The following LDB2 variants were observed in gnomAD, a reference collection of about 807,000 sequenced individuals.
LDB2 encodes LIM domain-binding protein 2.
LDB2 carries 12 observed loss-of-function variants against 44.3 expected under a neutral mutation model. That is an observed-to-expected ratio of 0.27 (90% CI 0.17 to 0.44). The LOEUF is 0.44. Ranked by LOEUF, LDB2 falls within the 20% of genes least tolerant of loss-of-function variation. LDB2 has a pLI of 1.00. For synonymous variants in LDB2, 164 were observed against 174.8 expected (o/e 0.94, Z 0.49); for missense variants, 344 against 473.5 (o/e 0.73, Z 2.54).
At chr4:16,827,518 C>T (rs1488781771) in intron 1 of LDB2, among the ~76,000 whole-genome samples, 1 of 152,080 alleles carries the variant, frequency 6.6e-6, no homozygotes, top group African/African-American at 2.4e-5. Context: ...AGATGCTTGG[C>T]AATAGGCTTT....
At chr4:16,690,531 AG>A (rs1750484107) in intron 2 of LDB2, among the ~76,000 whole-genome samples, 1 of 15,630 alleles carries the variant, frequency 6.4e-5, no homozygotes, top group Non-Finnish European at 1.2e-4. Context: ...GGAGGGAGGG[AG>A]GGAGGGAGGT....
rs754957166 is a variant in LDB2 at position 16,809,745 on chromosome 4, A to AAAC, written c.133-50486_133-50485insGTT. Among the ~76,000 whole-genome samples the AAAC allele has an allele frequency of 2.0e-3, 203 of 99,096 alleles. 1 individual carries two copies. Among genetic ancestry groups the AAAC allele is most frequent in the African/African-American group, 5.8e-3 (148 of 25,606 alleles). 65.0% of individuals were successfully genotyped at this position (99,096 alleles called of 152,430 possible). On this transcript the variant is annotated intron_variant, in intron 1 of 7. Coordinates refer to ENST00000304523, the MANE Select transcript of LDB2 (RefSeq NM_001290.5). ...AAACAAAACAAAACAAACAAACAAA[A>AAAC]AAAAAACGGAACTACATGGGACTCG... is the stretch of plus-strand genomic sequence containing the variant.
chr4:16,655,568 A>G (rs945523145), intron 2 of LDB2, among the ~76,000 whole-genome samples: 1 of 152,178 alleles, frequency 6.6e-6, no homozygotes, highest in Non-Finnish European at 1.5e-5. Context: ...GACTCCAGAA[A>G]GTCTTATGGA....
rs113058509 is a variant in LDB2 at position 16,661,104 on chromosome 4, T to A, written c.236-65229A>T. Among the ~76,000 whole-genome samples the A allele has an allele frequency of 3.4e-3, 521 of 152,234 alleles. 2 individuals are homozygous for A. The highest frequency in any genetic ancestry group is 0.012 in the African/African-American group (495 of 41,534). On this transcript the variant is annotated intron_variant, in intron 2 of 7. Transcript: ENST00000304523. ...ACAGAAATAATTACTTTCCCCCACCTCCCTACACTCACCCTGTCCCCTCAT... is the reference window on the plus strand; with the variant it reads ...ACAGAAATAATTACTTTCCCCCACCACCCTACACTCACCCTGTCCCCTCAT...
intron 1 of LDB2, among the ~76,000 whole-genome samples, chr4:16,884,061 C>T (rs543753112): frequency 2.0e-5 from 3 of 152,354 alleles, no homozygotes; most frequent in Admixed American, 6.5e-5. Context: ...CCAAGACAGA[C>T]CACCAGTCCA....
intron 2 of LDB2, among the ~76,000 whole-genome samples, chr4:16,668,589 C>G (rs924414910): frequency 1.6e-4 from 24 of 152,150 alleles, no homozygotes; most frequent in Non-Finnish European, 1.5e-4. Flanking sequence ...AATACTTTCA[C>G]AAATAAGAAG....
At chr4:16,672,857 C>T (rs369901002) in intron 2 of LDB2, among the ~76,000 whole-genome samples, 5 of 93,270 alleles carry the variant, frequency 5.4e-5, no homozygotes, top group African/African-American at 1.8e-4. Context: ...CCTTCCTTTC[C>T]TCCCTCCCTC....
chr4:16,525,047 T>A (rs1577373988), intron 5 of LDB2, among the ~76,000 whole-genome samples: 4 of 152,234 alleles, frequency 2.6e-5, no homozygotes, highest in South Asian at 2.1e-4. Flanking sequence ...GAGCTGTCAG[T>A]GACAGTTTCC....
At chr4:16,512,127 G>A (rs1721969340) in intron 5 of LDB2, 23 bp from the exon 6 acceptor site, 2 of 1,573,676 alleles carry the variant, frequency 1.3e-6, no homozygotes, top group Non-Finnish European at 1.7e-6. Context: ...CAAAGACATT[G>A]GCATTTCACT....
At chr4:16,541,261 C>T (rs1264332782) in intron 5 of LDB2, among the ~76,000 whole-genome samples, 1 of 152,040 alleles carries the variant, frequency 6.6e-6, no homozygotes. Flanking sequence ...TGGTGCTGTC[C>T]ATAGTGAGTT....
chr4:16,713,508 A>G (rs1285099654), intron 2 of LDB2, among the ~76,000 whole-genome samples: 2 of 152,200 alleles, frequency 1.3e-5, no homozygotes, highest in Non-Finnish European at 2.9e-5. Context: ...AGTAAGAACA[A>G]TGGAGATTGC....
intron 2 of LDB2, among the ~76,000 whole-genome samples, chr4:16,650,264 G>T (rs1465343572): frequency 6.6e-6 from 1 of 152,140 alleles, no homozygotes; most frequent in Non-Finnish European, 1.5e-5. Context: ...CTGTGTGAAG[G>T]CTCCATGAGT....
intron 2 of LDB2, among the ~76,000 whole-genome samples, chr4:16,722,159 T>G (rs1382436505): frequency 6.6e-6 from 1 of 152,174 alleles, no homozygotes; most frequent in African/African-American, 2.4e-5. Context: ...TACTACTTCA[T>G]GAAAGCTTTC....
intron 1 of LDB2, among the ~76,000 whole-genome samples, chr4:16,848,723 G>A (rs1470916495): frequency 2.6e-5 from 4 of 152,134 alleles, no homozygotes; most frequent in African/African-American, 7.2e-5. Context: ...CATACTTGCT[G>A]AAGACAAATA....
chr4:16,673,880 T>C (rs1430634466), intron 2 of LDB2, among the ~76,000 whole-genome samples: 2 of 152,156 alleles, frequency 1.3e-5, no homozygotes, highest in Non-Finnish European at 2.9e-5. Context: ...GGGATATAAA[T>C]ATCAAAATGA....
chr4:16,557,510 A>G (rs1231449611), intron 5 of LDB2, among the ~76,000 whole-genome samples: 1 of 152,112 alleles, frequency 6.6e-6, no homozygotes, highest in Admixed American at 6.5e-5. Context: ...AGGCTGGGGG[A>G]GGGGCGCCTG....
intron 2 of LDB2, among the ~76,000 whole-genome samples, chr4:16,708,619 T>C (rs1367606864): frequency 6.6e-6 from 1 of 152,176 alleles, no homozygotes; most frequent in African/African-American, 2.4e-5. Flanking sequence ...ACTAGACTGT[T>C]AATATGGAGC....
rs539316736 is a variant in LDB2 at position 16,827,368 on chromosome 4, C to T, written c.133-68108G>A. Among the ~76,000 whole-genome samples the T allele has an allele frequency of 7.9e-5, 12 of 152,244 alleles. No individual in the cohort carries two copies. The East Asian group carries it at 2.1e-3, about 27-fold the overall frequency. The stretch of plus-strand genomic sequence containing the variant: ...GATGAAAGAAATAAGTGCTAAGATG[C>T]ATCTGAAAAGATGCTACTCTTTTTT... On this transcript the variant is annotated intron_variant, in intron 1 of 7. Transcript: ENST00000304523.
At chr4:16,511,747 C>T (rs573987922) in intron 6 of LDB2, among the ~76,000 whole-genome samples, 1 of 152,302 alleles carries the variant, frequency 6.6e-6, no homozygotes, top group African/African-American at 2.4e-5. Context: ...CGTTATTTTA[C>T]CTCTCTGAGT....
Sources: gnomAD v4.1 joint callset for allele counts (sites outside exome capture counted in the v4.1 genomes callset) on GRCh38, gnomAD v4.1.1 for gene constraint, MANE v1.5 for transcripts, NCBI Gene and HGNC (gene_info 2026-07-23, HGNC 2026-07-21) for gene names.